The following ZHX2 variants were observed in gnomAD, a reference collection of about 807,000 sequenced individuals.
ZHX2 encodes the protein zinc fingers and homeoboxes protein 2.
A neutral mutation model predicts 21.9 loss-of-function variants in ZHX2; 6 were observed. The observed-to-expected ratio is 0.27, with a 90% CI of 0.15 to 0.54. The LOEUF (loss-of-function observed/expected upper bound fraction) is 0.54, where lower values mean the gene tolerates loss of function less well. Ranked by LOEUF, ZHX2 falls within the 20% of genes least tolerant of loss-of-function variation. The pLI, the probability that ZHX2 is intolerant of heterozygous loss-of-function variation, is 0.95. For missense variants in ZHX2, 908 were observed against 1,090.7 expected (o/e 0.83, Z 2.36); for synonymous variants, 434 against 437.1 (o/e 0.99, Z 0.09).
At chr8:122,789,644 G>A (rs1159024309) in intron 1 of ZHX2, among the ~76,000 whole-genome samples, 2 of 152,308 alleles carry the variant, frequency 1.3e-5, no homozygotes. Flanking sequence ...TGTAGGGGAG[G>A]TAAAGAGGTA....
intron 1 of ZHX2, among the ~76,000 whole-genome samples, chr8:122,841,306 C>T (rs1050267074): frequency 3.3e-5 from 5 of 152,130 alleles, no homozygotes; most frequent in Non-Finnish European, 7.3e-5. Context: ...GTTTAAAGCC[C>T]GTGTCTTTCC....
At chr8:122,809,127 T>C (rs1817877769) in intron 1 of ZHX2, 1 of 152,192 alleles carries the variant, frequency 6.6e-6, no homozygotes, top group Non-Finnish European at 1.5e-5. Flanking sequence ...CCTGAAGTGA[T>C]GTTGGCAGTT....
chr8:122,829,804 ATAAGG>A (rs1818332991), intron 1 of ZHX2, among the ~76,000 whole-genome samples: 1 of 152,226 alleles, frequency 6.6e-6, no homozygotes, highest in African/African-American at 2.4e-5. Flanking sequence ...TTCTGCACAT[ATAAGG>A]TGAGTTTGGA....
intron 2 of ZHX2, among the ~76,000 whole-genome samples, chr8:122,903,077 C>T (rs1423038511): frequency 6.6e-6 from 1 of 152,216 alleles, no homozygotes; most frequent in African/African-American, 2.4e-5. Flanking sequence ...CAGGACACTC[C>T]TCCTAGCTGG....
chr8:122,784,445 A>G (rs1034833129), intron 1 of ZHX2, among the ~76,000 whole-genome samples: 4 of 152,182 alleles, frequency 2.6e-5, no homozygotes, highest in African/African-American at 7.2e-5. Context: ...GCCTAACTTC[A>G]TAGCCTTAAC....
intron 2 of ZHX2, among the ~76,000 whole-genome samples, chr8:122,926,363 G>A (rs1437116148): frequency 6.6e-6 from 1 of 152,124 alleles, no homozygotes; most frequent in East Asian, 1.9e-4. Flanking sequence ...AATTTGTGTG[G>A]TTCCTTAATT....
intron 2 of ZHX2, among the ~76,000 whole-genome samples, chr8:122,898,095 A>G (rs552971715): frequency 6.6e-6 from 1 of 152,340 alleles, no homozygotes; most frequent in South Asian, 2.1e-4. Flanking sequence ...ATCTCCACAC[A>G]TGTGACAATC....
intron 1 of ZHX2, among the ~76,000 whole-genome samples, chr8:122,790,320 A>G (rs1049465277): frequency 6.6e-5 from 10 of 152,144 alleles, no homozygotes; most frequent in African/African-American, 1.2e-4. Flanking sequence ...CTTCTTCTCT[A>G]CAGTCTAACT....
At chr8:122,886,082 G>A (rs1043036929) in intron 2 of ZHX2, among the ~76,000 whole-genome samples, 2 of 152,180 alleles carry the variant, frequency 1.3e-5, no homozygotes, top group East Asian at 1.9e-4. Context: ...CAACCAGAAT[G>A]CCCTTCAGTA....
chr8:122,867,121 A>G (rs1442433614), intron 2 of ZHX2, among the ~76,000 whole-genome samples: 1 of 152,062 alleles, frequency 6.6e-6, no homozygotes, highest in Non-Finnish European at 1.5e-5. Flanking sequence ...GGCATGAGCT[A>G]CTGCACCCAG....
chr8:122,928,133 G>T (rs1410227493), intron 2 of ZHX2, among the ~76,000 whole-genome samples: 1 of 152,044 alleles, frequency 6.6e-6, no homozygotes. Flanking sequence ...CCCTAAGCCA[G>T]GCTCCATCTC....
At chr8:122,857,041 C>G (rs1819042789) in intron 1 of ZHX2, among the ~76,000 whole-genome samples, 1 of 152,154 alleles carries the variant, frequency 6.6e-6, no homozygotes, top group African/African-American at 2.4e-5. Context: ...CCGCCACAGC[C>G]CACACATGCC....
At chr8:122,867,686 G>A (rs774659505) in intron 2 of ZHX2, among the ~76,000 whole-genome samples, 2 of 152,262 alleles carry the variant, frequency 1.3e-5, no homozygotes, top group Middle Eastern at 3.4e-3. Flanking sequence ...CTGTAAAATG[G>A]GGAAATAATA....
intron 1 of ZHX2, among the ~76,000 whole-genome samples, chr8:122,789,835 C>A (rs539751303): frequency 5.3e-5 from 8 of 152,316 alleles, no homozygotes; most frequent in African/African-American, 1.7e-4. Context: ...CTGTTACTTT[C>A]TTCTGGGGAA....
intron 1 of ZHX2, among the ~76,000 whole-genome samples, chr8:122,837,442 GCTGGTC>G (rs1182595630): frequency 1.3e-5 from 2 of 152,224 alleles, no homozygotes; most frequent in African/African-American, 4.8e-5. Context: ...TATTCCATAA[GCTGGTC>G]CTGCCACTAC....
intron 1 of ZHX2, among the ~76,000 whole-genome samples, chr8:122,840,746 G>C (rs1818605319): frequency 6.6e-6 from 1 of 152,180 alleles, no homozygotes; most frequent in Admixed American, 6.5e-5. Flanking sequence ...TGCTTTGCTG[G>C]ACCTGTGGCC....
chr8:122,819,773 CT>C (rs1368043464), intron 1 of ZHX2, among the ~76,000 whole-genome samples: 1 of 152,250 alleles, frequency 6.6e-6, no homozygotes, highest in Non-Finnish European at 1.5e-5. Flanking sequence ...CTTCCTTTGC[CT>C]CCAGGCTTGG....
rs34211897 is a variant in ZHX2, at chr8:122,922,275, GAA to G, written c.-219-29005_-219-29004del. Among the ~76,000 whole-genome samples, 505 of 127,812 alleles carry G rather than the reference GAA, an allele frequency of 4.0e-3. 3 individuals carry two copies. The highest frequency in any genetic ancestry group is 0.013 in the African/African-American group (433 of 34,488). The allele number at this position is 127,812 out of a possible 152,430, so 83.8% of individuals were successfully genotyped here. A position where few individuals can be genotyped will look rare whatever the true frequency, so the allele number is the denominator to read the frequency against. On this transcript the variant is annotated intron_variant, in intron 2 of 3. Transcript: ENST00000314393. Reference sequence around the variant, plus strand: ...ATGGCAACATCACTTGTGAGTTCATGAAAAAAAAAAAAAGAAAAGGAAAAAAA... The same window carrying G: ...ATGGCAACATCACTTGTGAGTTCATGAAAAAAAAAAAGAAAAGGAAAAAAA...
intron 1 of ZHX2, among the ~76,000 whole-genome samples, chr8:122,839,713 G>A (rs1818581368): frequency 6.6e-6 from 1 of 152,142 alleles, no homozygotes; most frequent in African/African-American, 2.4e-5. Flanking sequence ...GGGGTGGCAT[G>A]GGATCGTGGG....
Sources: gnomAD v4.1 joint callset for allele counts (sites outside exome capture counted in the v4.1 genomes callset) on GRCh38, gnomAD v4.1.1 for gene constraint, MANE v1.5 for transcripts, NCBI Gene and HGNC (gene_info 2026-07-23, HGNC 2026-07-21) for gene names.